Variants in ADD3 observed in about 807,000 individuals in gnomAD.
The protein encoded by ADD3 is adducin 3, also known as gamma-adducin.
A neutral mutation model predicts 80.2 loss-of-function variants in ADD3; 25 were observed. That is an observed-to-expected ratio of 0.31 (90% CI 0.23 to 0.44). The LOEUF is 0.44. Ranked by LOEUF, ADD3 falls within the 20% of genes least tolerant of loss-of-function variation. The pLI is 1.00. For missense variants in ADD3, 829 were observed against 847.5 expected (o/e 0.98, Z 0.27); for synonymous variants, 284 against 289.6 (o/e 0.98, Z 0.20).
At chr10:110,050,964 A>G (rs1386754880) in intron 1 of ADD3, among the ~76,000 whole-genome samples, 6 of 152,198 alleles carry the variant, frequency 3.9e-5, no homozygotes, top group African/African-American at 1.2e-4. Context: ...TTGGAGGGCA[A>G]TTTGCCAGTA....
intron 1 of ADD3, among the ~76,000 whole-genome samples, chr10:110,030,131 C>T (rs1236410249): frequency 2.1e-5 from 3 of 144,762 alleles, no homozygotes; most frequent in African/African-American, 7.3e-5. Context: ...CGAGACCAGC[C>T]TGACCAACAT....
chr10:110,042,442 A>C (rs1247894190), intron 1 of ADD3, among the ~76,000 whole-genome samples: 1 of 152,190 alleles, frequency 6.6e-6, no homozygotes, highest in Non-Finnish European at 1.5e-5. Context: ...GTCTTGCTCA[A>C]GTGACTTAGA....
intron 12 of ADD3, among the ~76,000 whole-genome samples, chr10:110,129,195 G>T (rs1257635562): frequency 6.7e-6 from 1 of 149,912 alleles, no homozygotes; most frequent in Non-Finnish European, 1.5e-5. Context: ...TGTTGCCCAG[G>T]CTGGAGCGCA....
intron 1 of ADD3, chr10:109,997,667 T>C (rs1367136781): frequency 6.6e-6 from 1 of 152,260 alleles, no homozygotes; most frequent in Non-Finnish European, 1.5e-5. Flanking sequence ...TTTGACTATA[T>C]TTGGGAATGC....
intron 1 of ADD3, among the ~76,000 whole-genome samples, chr10:110,063,873 G>T (rs1004887573): frequency 1.3e-5 from 2 of 148,588 alleles, no homozygotes; most frequent in African/African-American, 5.0e-5. Flanking sequence ...TCCTCTCTCT[G>T]CAAGGCAGCC....
chr10:110,092,740 A>C (rs182257938), intron 1 of ADD3, among the ~76,000 whole-genome samples: 97 of 152,176 alleles, frequency 6.4e-4, no homozygotes, highest in Non-Finnish European at 1.2e-3. Flanking sequence ...GTGGGGAAAC[A>C]TTATGTTGTA....
chr10:110,124,907 A>G (rs1169677683), intron 10 of ADD3, among the ~76,000 whole-genome samples: 1 of 152,212 alleles, frequency 6.6e-6, no homozygotes, highest in Non-Finnish European at 1.5e-5. Context: ...AAACTTTATT[A>G]AAACATTATG....
At chr10:110,017,000 T>G (rs1455570453) in intron 1 of ADD3, among the ~76,000 whole-genome samples, 1 of 152,198 alleles carries the variant, frequency 6.6e-6, no homozygotes, top group Non-Finnish European at 1.5e-5. Context: ...ATATATTATA[T>G]GTAATTACTT....
chr10:110,051,273 A>C (rs1174843340), intron 1 of ADD3, among the ~76,000 whole-genome samples: 2 of 152,228 alleles, frequency 1.3e-5, no homozygotes, highest in South Asian at 4.1e-4. Context: ...ACACCAAAAA[A>C]CAGGCAACAA....
At chr10:110,030,114 G>C (rs538157814) in intron 1 of ADD3, among the ~76,000 whole-genome samples, 3 of 151,716 alleles carry the variant, frequency 2.0e-5, no homozygotes, top group Non-Finnish European at 2.9e-5. Flanking sequence ...ACCTGAGGTC[G>C]GGAGTTCGAG....
At chr10:110,120,105 G>A (rs910870479) in intron 8 of ADD3, among the ~76,000 whole-genome samples, 3 of 149,844 alleles carry the variant, frequency 2.0e-5, no homozygotes, top group Admixed American at 1.3e-4. Flanking sequence ...TTAAGTTTTA[G>A]GGTACATGTG....
chr10:110,128,228 T>G (rs557543571), intron 12 of ADD3, among the ~76,000 whole-genome samples: 38 of 151,750 alleles, frequency 2.5e-4, no homozygotes, highest in African/African-American at 8.9e-4. Context: ...TCTTCAAGAG[T>G]GTTTTCTTCC....
In ADD3 at chr10:110,117,441, G is replaced by A; in HGVS notation, c.567+19G>A. ...CAATTTGGTATAATTTTCCATTCCTGTGTTGCTTTTTCTGAGCTTTCTTTG... is the reference window on the plus strand; with the variant it reads ...CAATTTGGTATAATTTTCCATTCCTATGTTGCTTTTTCTGAGCTTTCTTTG... On this transcript the variant is annotated intron_variant, in intron 5 of 14. Coordinates refer to ENST00000356080, the MANE Select transcript of ADD3 (RefSeq NM_016824.5). 6.7e-7 allele frequency: 1 copy of A among 1,492,560 alleles called. No homozygotes were observed. Among genetic ancestry groups the A allele is most frequent in the Non-Finnish European group, 9.3e-7 (1 of 1,070,620 alleles). 92.5% of individuals were successfully genotyped at this position (1,492,560 alleles called of 1,614,324 possible). A position where few individuals can be genotyped will look rare whatever the true frequency, so the allele number is the denominator to read the frequency against.
chr10:110,002,673 A>G (rs994948995), upstream of ADD3, among the ~76,000 whole-genome samples: 1 of 152,158 alleles, frequency 6.6e-6, no homozygotes, highest in Non-Finnish European at 1.5e-5. Flanking sequence ...AGTTGTTTGC[A>G]TATTTATTTA....
At chr10:110,000,847 G>A (rs1451381007), upstream of ADD3, among the ~76,000 whole-genome samples, 1 of 152,104 alleles carries the variant, frequency 6.6e-6, no homozygotes, top group East Asian at 1.9e-4. Flanking sequence ...GGTTATTGTA[G>A]GTATGAGATG....
intron 1 of ADD3, among the ~76,000 whole-genome samples, chr10:110,055,980 C>A (rs1216831490): frequency 2.0e-5 from 3 of 152,192 alleles, no homozygotes; most frequent in Non-Finnish European, 4.4e-5. Flanking sequence ...ACTATGAAAT[C>A]TTTTGGCCTA....
intron 8 of ADD3, among the ~76,000 whole-genome samples, chr10:110,120,451 C>T (rs1406533816): frequency 1.3e-5 from 2 of 151,902 alleles, no homozygotes; most frequent in African/African-American, 4.8e-5. Flanking sequence ...ATATGTGCCA[C>T]ATTTTCTTAA....
chr10:110,105,447 G>A (rs1849300069), intron 2 of ADD3, among the ~76,000 whole-genome samples: 1 of 152,190 alleles, frequency 6.6e-6, no homozygotes, highest in South Asian at 2.1e-4. Context: ...AATTCTGAAT[G>A]CATGGATGGA....
intron 1 of ADD3, among the ~76,000 whole-genome samples, chr10:110,019,777 T>C (rs1290244911): frequency 1.3e-5 from 2 of 152,230 alleles, no homozygotes; most frequent in African/African-American, 4.8e-5. Flanking sequence ...GTAGGTTTAC[T>C]TGGAGAGTGG....
Sources: allele counts gnomAD v4.1 joint callset (sites outside exome capture counted in the v4.1 genomes callset), GRCh38; gene constraint gnomAD v4.1.1; transcripts MANE v1.5; gene names NCBI Gene and HGNC (gene_info 2026-07-23, HGNC 2026-07-21).